DMD: variants seen among roughly 807,000 people sequenced by gnomAD.
The protein encoded by DMD is mutant dystrophin.
A neutral mutation model predicts 330.1 loss-of-function variants in DMD; 63 were observed. The observed-to-expected ratio is 0.19, with a 90% CI of 0.16 to 0.24. The LOEUF is 0.24. Among genes scored for constraint, DMD ranks in the 10% least tolerant of loss-of-function variants. The pLI, the probability that DMD is intolerant of heterozygous loss-of-function variation, is 1.00. For missense variants in DMD, 3,344 were observed against 2,684.1 expected (o/e 1.25, Z -5.43); for synonymous variants, 1,223 against 959.8 (o/e 1.27, Z -5.07).
At chrX:33,009,948 G>T (rs867665820) in intron 2 of DMD, among the ~76,000 whole-genome samples, 2 of 81,634 alleles carry the variant, frequency 2.4e-5, no homozygotes. Context: ...ATATACACGT[G>T]TGTATGTGTA....
chrX:31,644,123 T>C (rs1459135540), intron 54 of DMD, among the ~76,000 whole-genome samples: 1 of 111,693 alleles, frequency 9.0e-6, no homozygotes, highest in East Asian at 2.8e-4. Flanking sequence ...GGCAAAACTT[T>C]GGAATACAAA....
intron 29 of DMD, among the ~76,000 whole-genome samples, chrX:32,422,343 A>C (rs940331461): frequency 3.6e-5 from 4 of 111,891 alleles, no homozygotes; most frequent in Non-Finnish European, 7.5e-5. Context: ...AGAGGGAGTC[A>C]AAAGTGGGTA....
intron 1 of DMD, among the ~76,000 whole-genome samples, chrX:33,250,362 G>A (rs1468923293): frequency 2.8e-5 from 3 of 109,028 alleles, no homozygotes; most frequent in Middle Eastern, 9.5e-3. Context: ...TTCACAGTAG[G>A]GTTGGCTCTC....
intron 2 of DMD, among the ~76,000 whole-genome samples, chrX:33,019,777 C>CA (rs899927763): frequency 4.5e-5 from 5 of 110,885 alleles, no homozygotes; most frequent in African/African-American, 1.6e-4. Context: ...CCAAGAGGGA[C>CA]AAAAAAATGA....
intron 29 of DMD, among the ~76,000 whole-genome samples, chrX:32,434,203 T>TA (rs2098250157): frequency 8.9e-6 from 1 of 111,937 alleles, no homozygotes; most frequent in African/African-American, 3.2e-5. Context: ...GTAGGTGATA[T>TA]AAAAACCTCA....
At chrX:32,190,449 G>C (rs1569549799) in intron 44 of DMD, among the ~76,000 whole-genome samples, 1 of 105,743 alleles carries the variant, frequency 9.5e-6, no homozygotes, top group Non-Finnish European at 1.9e-5. Flanking sequence ...TGAGTGAATA[G>C]TGGATAACTT....
chrX:32,009,902 A>T (rs889868879), intron 44 of DMD, among the ~76,000 whole-genome samples: 2 of 112,323 alleles, frequency 1.8e-5, no homozygotes, highest in Admixed American at 1.9e-4. Context: ...CTAGGTAGGT[A>T]GTATGGTATA....
At chrX:32,339,594 G>C (rs2097731539) in intron 41 of DMD, among the ~76,000 whole-genome samples, 1 of 111,403 alleles carries the variant, frequency 9.0e-6, no homozygotes, top group South Asian at 3.7e-4. Flanking sequence ...GTCCTTTTCT[G>C]AGCTTTATTA....
chrX:31,266,463 G>A (rs919228975), intron 62 of DMD, among the ~76,000 whole-genome samples: 1 of 112,636 alleles, frequency 8.9e-6, no homozygotes, highest in Non-Finnish European at 1.9e-5. Context: ...GTCCACACTG[G>A]CAGCCTGGAA....
At chrX:32,403,367 C>A (rs1191568786) in intron 30 of DMD, among the ~76,000 whole-genome samples, 5 of 111,478 alleles carry the variant, frequency 4.5e-5, no homozygotes, top group East Asian at 5.6e-4. Context: ...AAAGTAATTG[C>A]AGTTTTTGCC....
At chrX:32,489,029 G>T (rs942999331) in intron 20 of DMD, among the ~76,000 whole-genome samples, 5 of 111,335 alleles carry the variant, frequency 4.5e-5, no homozygotes, top group African/African-American at 1.6e-4. Flanking sequence ...GCCCTTGGTG[G>T]CTGTATCAGG....
chrX:31,433,626 T>G (rs1431766395), intron 60 of DMD, among the ~76,000 whole-genome samples: 1 of 109,652 alleles, frequency 9.1e-6, no homozygotes, highest in East Asian at 2.8e-4. Flanking sequence ...CCGGCTAATT[T>G]TTTTGTATTT....
intron 1 of DMD, among the ~76,000 whole-genome samples, chrX:33,198,995 C>A (rs1460835905): frequency 1.8e-5 from 2 of 109,675 alleles, no homozygotes; most frequent in Non-Finnish European, 3.8e-5. Context: ...AAAAAGAAAG[C>A]CAGTAAGGGG....
At chrX:31,910,188 ATTACT>A (rs950442433) in intron 47 of DMD, among the ~76,000 whole-genome samples, 3 of 109,402 alleles carry the variant, frequency 2.7e-5, no homozygotes, top group Non-Finnish European at 5.9e-5. Flanking sequence ...GTTGGAAAAA[ATTACT>A]TTACCCACAC....
intron 17 of DMD, among the ~76,000 whole-genome samples, chrX:32,539,450 T>C (rs1256945443): frequency 2.7e-5 from 3 of 110,933 alleles, no homozygotes; most frequent in Non-Finnish European, 5.7e-5. Flanking sequence ...GCTGTGCCAA[T>C]AGGCAAAAGT....
chrX:32,022,656 A>G (rs970288342), intron 44 of DMD, among the ~76,000 whole-genome samples: 9 of 111,937 alleles, frequency 8.0e-5, no homozygotes, highest in African/African-American at 2.6e-4. Context: ...CTGTCTTTAT[A>G]GTTTATATAG....
At chrX:33,054,163 C>A (rs2094491817) in intron 1 of DMD, among the ~76,000 whole-genome samples, 1 of 111,901 alleles carries the variant, frequency 8.9e-6, no homozygotes, top group Non-Finnish European at 1.9e-5. Flanking sequence ...ACAGAATGAT[C>A]ACATCAGTTA....
intron 50 of DMD, among the ~76,000 whole-genome samples, chrX:31,793,799 T>C (rs2149321723): frequency 8.9e-6 from 1 of 112,354 alleles, no homozygotes; most frequent in South Asian, 3.7e-4. Flanking sequence ...AATCAAAACA[T>C]TTTTAGATTG....
intron 30 of DMD, among the ~76,000 whole-genome samples, chrX:32,404,895 G>C (rs992297228): frequency 9.0e-6 from 1 of 111,161 alleles, no homozygotes; most frequent in Non-Finnish European, 1.9e-5. Context: ...CATTCTTTTT[G>C]TCTAAATTAA....
Sources: gnomAD v4.1 joint callset for allele counts (sites outside exome capture counted in the v4.1 genomes callset) on GRCh38, gnomAD v4.1.1 for gene constraint, MANE v1.5 for transcripts, NCBI Gene and HGNC (gene_info 2026-07-23, HGNC 2026-07-21) for gene names.